ZGPAT: variants seen among roughly 807,000 people sequenced by gnomAD.
ZGPAT encodes the protein zinc finger CCCH-type and G-patch domain containing.
A neutral mutation model predicts 47.9 loss-of-function variants in ZGPAT; 39 were observed. The observed-to-expected ratio is 0.81, with a 90% CI of 0.63 to 1.06. The LOEUF (loss-of-function observed/expected upper bound fraction) is 1.06. ZGPAT is among the 50% of genes least tolerant of loss of function. ZGPAT has a pLI of 0.00. For missense variants in ZGPAT, 717 were observed against 681.4 expected, an observed-to-expected ratio of 1.05 and a Z score of -0.58; for synonymous variants, 348 against 292.9, an observed-to-expected ratio of 1.19 and a Z score of -1.92.
intron 2 of ZGPAT, among the ~76,000 whole-genome samples, chr20:63,712,481 T>G: frequency 6.6e-6 from 1 of 152,234 alleles, no homozygotes; most frequent in Non-Finnish European, 1.5e-5. Flanking sequence ...CTGGATCCTT[T>G]GCAATTTCAT....
intron 2 of ZGPAT, among the ~76,000 whole-genome samples, chr20:63,724,227 G>A (rs1256604576): frequency 6.6e-6 from 1 of 152,028 alleles, no homozygotes; most frequent in African/African-American, 2.4e-5. Context: ...GTAGCCGGGT[G>A]TGGTGGTGGG....
At chr20:63,719,419 G>A (rs1216555358) in intron 2 of ZGPAT, among the ~76,000 whole-genome samples, 1 of 152,148 alleles carries the variant, frequency 6.6e-6, no homozygotes, top group Non-Finnish European at 1.5e-5. Flanking sequence ...GTGCTTCATG[G>A]TGTAGCACAG....
At chr20:63,728,571 AGCCAG>A (rs1183520379) in intron 2 of ZGPAT, among the ~76,000 whole-genome samples, 2 of 152,124 alleles carry the variant, frequency 1.3e-5, no homozygotes, top group Admixed American at 6.6e-5. Context: ...TTTCCTCAAG[AGCCAG>A]GCCCTTCCTG....
intron 2 of ZGPAT, among the ~76,000 whole-genome samples, chr20:63,726,955 C>G (rs1002324763): frequency 2.0e-5 from 3 of 152,128 alleles, no homozygotes; most frequent in African/African-American, 7.2e-5. Context: ...TGCTCCCTCA[C>G]CAGACTGGTA....
chr20:63,720,224 T>G (rs112628940), intron 2 of ZGPAT, among the ~76,000 whole-genome samples: 1 of 151,978 alleles, frequency 6.6e-6, no homozygotes, highest in African/African-American at 2.4e-5. Context: ...GGCTTGATCT[T>G]GGCTCACTGC....
At chr20:63,732,158 C>A (rs879756461) in intron 2 of ZGPAT, among the ~76,000 whole-genome samples, 1 of 150,858 alleles carries the variant, frequency 6.6e-6, no homozygotes, top group Non-Finnish European at 1.5e-5. Flanking sequence ...CATGTGTGTG[C>A]GCGTGTGGGT....
Position 63,709,154 on chromosome 20 carries a change from G to A in ZGPAT, c.574G>A (p.Glu192Lys), listed in dbSNP as rs762233986. 3.7e-6 allele frequency: 6 copies of A among 1,610,206 alleles called. No homozygotes were observed. Among genetic ancestry groups the A allele is most frequent in the African/African-American group, 1.3e-5 (1 of 75,052 alleles). The part of the protein sequence containing the change: ...FFLEGKCRFK[E>K]NCRFSHGQVV... ...CCTGGAGGGAAAGTGCCGCTTTAAG[G>A]AGAACTGCAGGTAAAGCCCTTTGTT... is the stretch of plus-strand genomic sequence containing the variant. The change falls in exon 2 of 7, where the codon GAG becomes AAG. Residue 192 changes from glutamate to lysine, a missense_variant. Physicochemically the swap from Glu to Lys is moderately conservative, Grantham distance 56. Transcript: ENST00000355969.
intron 2 of ZGPAT, among the ~76,000 whole-genome samples, chr20:63,725,921 C>T (rs1490743159): frequency 6.6e-6 from 1 of 151,784 alleles, no homozygotes; most frequent in Non-Finnish European, 1.5e-5. Context: ...CAACCTCCAC[C>T]ACCTTCGAGG....
Position 63,735,803 on chromosome 20 carries a change from C to T in ZGPAT, c.1420C>T (p.Leu474=). 1 of 1,609,974 alleles carries T rather than the reference C, an allele frequency of 6.2e-7. No individual in the cohort carries two copies. The highest frequency in any genetic ancestry group is 8.5e-7 in the Non-Finnish European group (1 of 1,178,698). Residue 474 remains leucine, a synonymous_variant, in exon 7 of 7, where the codon CTG becomes TTG. Transcript: ENST00000355969. ...CAGGCATAGCGTGGCGTCAGCCCAG[C>T]TGCAGGAGAAGCTGGCAGGAGCCCA... is the stretch of plus-strand genomic sequence containing the variant. ...AGRHSVASAQ[L]QEKLAGAQRQ... is the part of the protein sequence containing the mutation.
chr20:63,715,895 A>G (rs957951726), intron 2 of ZGPAT, among the ~76,000 whole-genome samples: 2 of 152,182 alleles, frequency 1.3e-5, no homozygotes, highest in Admixed American at 6.5e-5. Context: ...TTGACTATTG[A>G]TTCAATTTCC....
chr20:63,733,118 C>T lies in ZGPAT; in HGVS notation c.585-101C>T, dbSNP rs371209055. 1.3e-5 allele frequency: 20 copies of T among 1,491,528 alleles called. No homozygotes were observed. In the East Asian group the frequency reaches 3.2e-4, roughly 24 times the overall value. The allele number at this position is 1,491,528 out of a possible 1,614,324, so 92.4% of individuals were successfully genotyped here. A position where few individuals can be genotyped will look rare whatever the true frequency, so the allele number is the denominator to read the frequency against. ...TGTATACGCACGCGTGTGTGTCTGT[C>T]TCCCTCAGGACAGTGCCCAGGCGGA... On this transcript the variant is annotated intron_variant, in intron 2 of 6. Coordinates refer to ENST00000355969, the MANE Select transcript of ZGPAT (RefSeq NM_181485.3).
chr20:63,733,942 C>T (rs777799313), intron 4 of ZGPAT: 15 of 639,670 alleles, frequency 2.3e-5, no homozygotes, highest in Non-Finnish European at 3.7e-5. Context: ...GGTGCAACAG[C>T]TACAGTCTCA....
chr20:63,722,502 A>C (rs1416684742), intron 2 of ZGPAT, among the ~76,000 whole-genome samples: 1 of 152,122 alleles, frequency 6.6e-6, no homozygotes, highest in Non-Finnish European at 1.5e-5. Context: ...CATTTTGGTG[A>C]TATCCAGCTC....
In ZGPAT at chr20:63,733,320, A is replaced by G; in HGVS notation, c.686A>G (p.Gln229Arg). 6.2e-7 allele frequency: 1 copy of G among 1,613,092 alleles called. No homozygotes were observed. Among genetic ancestry groups the G allele is most frequent in the South Asian group, 1.1e-5 (1 of 91,066 alleles). ...QAGSACLAKH[Q>R]DGLWHAARIT... ...GGCTCTGCGTGTCTGGCCAAGCACC[A>G]GGATGGCCTCTGGCACGCAGCACGC... is the stretch of plus-strand genomic sequence containing the variant. Residue 229 changes from glutamine (Q) to arginine (R), a missense_variant, in exon 3 of 7, where the codon CAG becomes CGG. Transcript: ENST00000355969.
intron 2 of ZGPAT, among the ~76,000 whole-genome samples, chr20:63,718,338 C>CT (rs201410283): frequency 4.3e-4 from 54 of 125,480 alleles, no homozygotes; most frequent in African/African-American, 6.9e-4. Flanking sequence ...TTCTTTCTTT[C>CT]TTTTTTTTTT....
chr20:63,709,239 C>G, intron 2 of ZGPAT, 75 bp downstream of exon 2: 1 of 1,536,504 alleles, frequency 6.5e-7, no homozygotes, highest in Non-Finnish European at 8.9e-7. Flanking sequence ...CAGGATCGGC[C>G]CTCCCTTTGC....
chr20:63,721,318 C>T (rs2091785186), intron 2 of ZGPAT, among the ~76,000 whole-genome samples: 1 of 150,594 alleles, frequency 6.6e-6, no homozygotes, highest in Non-Finnish European at 1.5e-5. Flanking sequence ...CGCCATTGCA[C>T]TCCAGCCTGG....
intron 2 of ZGPAT, among the ~76,000 whole-genome samples, chr20:63,722,939 G>A (rs1351367023): frequency 2.0e-5 from 3 of 152,054 alleles, no homozygotes; most frequent in Non-Finnish European, 4.4e-5. Context: ...CCTAAGTATG[G>A]CAACGTGTCT....
chr20:63,717,992 A>G (rs1156882063), intron 2 of ZGPAT, among the ~76,000 whole-genome samples: 1 of 152,128 alleles, frequency 6.6e-6, no homozygotes. Context: ...GCAGTGAGCC[A>G]GGATCACACC....
Sources: allele counts gnomAD v4.1 joint callset (sites outside exome capture counted in the v4.1 genomes callset), GRCh38; gene constraint gnomAD v4.1.1; transcripts MANE v1.5; gene names NCBI Gene and HGNC (gene_info 2026-07-23, HGNC 2026-07-21).